WASHC3: variants seen among roughly 807,000 people sequenced by gnomAD.
WASHC3 encodes the protein WASH complex subunit 3.
Under a neutral mutation model 26.1 loss-of-function variants are expected in WASHC3, and 24 were observed. The observed-to-expected ratio is 0.92, with a 90% CI of 0.66 to 1.29. The LOEUF (loss-of-function observed/expected upper bound fraction) is 1.29, where lower values mean the gene tolerates loss of function less well. Ranked by LOEUF, WASHC3 falls within the 50% of genes most tolerant of loss-of-function variation. The pLI is 0.00. For synonymous variants in WASHC3, 77 were observed against 75.7 expected (o/e 1.02, Z -0.09); for missense variants, 214 against 229.6 (o/e 0.93, Z 0.44).
intron 6 of WASHC3, among the ~76,000 whole-genome samples, chr12:102,015,733 A>C (rs1424593423): frequency 1.3e-5 from 2 of 152,206 alleles, no homozygotes; most frequent in Non-Finnish European, 2.9e-5. Flanking sequence ...TTTGTGAGGG[A>C]GACAGAAATG....
upstream of WASHC3, chr12:102,062,082 C>A (rs897598523): frequency 1.4e-4 from 114 of 803,564 alleles, no homozygotes; most frequent in Middle Eastern, 1.0e-3. Context: ...GCCCTTCCCG[C>A]CGGAAGAAAG....
At chr12:102,030,894 A>G (rs888000462) in intron 5 of WASHC3, among the ~76,000 whole-genome samples, 1 of 152,208 alleles carries the variant, frequency 6.6e-6, no homozygotes, top group Non-Finnish European at 1.5e-5. Context: ...TAAAACCTGA[A>G]CTTTTAGCAG....
At chr12:102,045,027 C>A (rs1001602797) in intron 3 of WASHC3, among the ~76,000 whole-genome samples, 66 of 152,042 alleles carry the variant, frequency 4.3e-4, no homozygotes, top group African/African-American at 1.6e-3. Flanking sequence ...CTCTAACTCC[C>A]AGGAATTCCT....
At chr12:102,039,508 ATAT>A (rs1877848068) in intron 5 of WASHC3, among the ~76,000 whole-genome samples, 2 of 152,130 alleles carry the variant, frequency 1.3e-5, no homozygotes, top group African/African-American at 4.8e-5. Context: ...TTTTTAAAAA[ATAT>A]TATTTGTGCT....
intron 2 of WASHC3, among the ~76,000 whole-genome samples, chr12:102,051,107 G>C (rs1878376780): frequency 6.6e-6 from 1 of 152,258 alleles, no homozygotes; most frequent in East Asian, 1.9e-4. Context: ...CAGTGCCACT[G>C]ATGAAGAAAG....
chr12:102,015,484 A>C (rs1469155494), intron 6 of WASHC3, among the ~76,000 whole-genome samples: 1 of 152,166 alleles, frequency 6.6e-6, no homozygotes, highest in Admixed American at 6.5e-5. Flanking sequence ...AACTTTGGGG[A>C]AGCTATTTAA....
intron 5 of WASHC3, among the ~76,000 whole-genome samples, chr12:102,029,718 CTTAAT>C (rs143299302): frequency 0.041 from 6,160 of 152,092 alleles, 375 homozygotes; most frequent in East Asian, 0.29. Context: ...AGTTTTTCCT[CTTAAT>C]TTAAGAGTGT....
chr12:102,039,567 T>C (rs1294751409), intron 5 of WASHC3, among the ~76,000 whole-genome samples: 1 of 152,200 alleles, frequency 6.6e-6, no homozygotes, highest in African/African-American at 2.4e-5. Context: ...ACCAAATGAA[T>C]AGTCTACTTT....
chr12:102,057,251 T>C (rs181010384), intron 2 of WASHC3, among the ~76,000 whole-genome samples: 1 of 152,138 alleles, frequency 6.6e-6, no homozygotes. Flanking sequence ...AAATTAGGTA[T>C]AGAAAGAATC....
intron 6 of WASHC3, 34 bp downstream of exon 6, chr12:102,025,940 G>A: frequency 2.0e-6 from 2 of 1,000,266 alleles, no homozygotes; most frequent in Admixed American, 2.3e-5. Flanking sequence ...CAATGTCCTG[G>A]CAATAATATC....
chr12:102,015,287 T>A (rs557117225), intron 6 of WASHC3, among the ~76,000 whole-genome samples: 70 of 150,230 alleles, frequency 4.7e-4, no homozygotes, highest in African/African-American at 1.4e-3. Flanking sequence ...TGAAACCCTG[T>A]CTCAAAAAAA....
upstream of WASHC3, chr12:102,062,041 T>C (rs2136701123): frequency 7.7e-7 from 1 of 1,294,940 alleles, no homozygotes; most frequent in Non-Finnish European, 1.1e-6. Flanking sequence ...TAATCACGTC[T>C]CAACTTTCCC....
In WASHC3 at chr12:102,039,854, C is replaced by A. The variant is rs1442424641; in HGVS notation, c.435+14G>T. ...GAGGCTGCTACACAAAGAAGACAGA[C>A]CAAGTTAGCTTACCACTTGAACCAT... On this transcript the variant is annotated intron_variant, in intron 5 of 6. Coordinates refer to ENST00000240079, the MANE Select transcript of WASHC3 (RefSeq NM_016053.4). The A allele has an allele frequency of 7.9e-7, 1 of 1,267,374 alleles. No individual in the cohort carries two copies. Among genetic ancestry groups the A allele is most frequent in the African/African-American group, 1.5e-5 (1 of 68,376 alleles). The allele number at this position is 1,267,374 out of a possible 1,614,324, so 78.5% of individuals were successfully genotyped here. A position where few individuals can be genotyped will look rare whatever the true frequency, so the allele number is the denominator to read the frequency against.
At chr12:102,029,101 C>A (rs891787861) in intron 5 of WASHC3, among the ~76,000 whole-genome samples, 5 of 152,136 alleles carry the variant, frequency 3.3e-5, no homozygotes, top group Non-Finnish European at 5.9e-5. Flanking sequence ...AGAATGCATT[C>A]CCAAGGGATT....
At chr12:102,045,086 C>T (rs1432451996) in intron 3 of WASHC3, among the ~76,000 whole-genome samples, 1 of 151,710 alleles carries the variant, frequency 6.6e-6, no homozygotes, top group African/African-American at 2.4e-5. Flanking sequence ...GACACATATT[C>T]ATTATAAAGA....
chr12:102,022,692 G>C (rs570493950), intron 6 of WASHC3, among the ~76,000 whole-genome samples: 1 of 152,270 alleles, frequency 6.6e-6, no homozygotes, highest in South Asian at 2.1e-4. Context: ...GTTTATCCTA[G>C]AATTGTAAAA....
chr12:102,055,381 T>C (rs1594372507), intron 2 of WASHC3, among the ~76,000 whole-genome samples: 1 of 152,214 alleles, frequency 6.6e-6, no homozygotes, highest in East Asian at 1.9e-4. Context: ...AGTCTTGCTC[T>C]GTCACCCAGG....
intron 5 of WASHC3, among the ~76,000 whole-genome samples, chr12:102,034,360 T>G (rs1251148290): frequency 6.6e-6 from 1 of 152,162 alleles, no homozygotes; most frequent in Non-Finnish European, 1.5e-5. Flanking sequence ...AATAGGTCTC[T>G]CGTGATTGTT....
chr12:102,035,775 C>A (rs1487200388), intron 5 of WASHC3, among the ~76,000 whole-genome samples: 2 of 152,120 alleles, frequency 1.3e-5, no homozygotes, highest in Non-Finnish European at 2.9e-5. Context: ...CCATTTTCAA[C>A]TGGAGATACA....
Sources: gnomAD v4.1 joint callset for allele counts (sites outside exome capture counted in the v4.1 genomes callset) on GRCh38, gnomAD v4.1.1 for gene constraint, MANE v1.5 for transcripts, NCBI Gene and HGNC (gene_info 2026-07-23, HGNC 2026-07-21) for gene names.